RFX3: variants seen among roughly 807,000 people sequenced by gnomAD.
RFX3 encodes regulatory factor X3, also known as transcription factor RFX3.
A neutral mutation model predicts 98.6 loss-of-function variants in RFX3; 14 were observed. The observed-to-expected ratio is 0.14, with a 90% CI of 0.09 to 0.22. RFX3 has a LOEUF of 0.22. RFX3 is among the 10% of genes least tolerant of loss of function. RFX3 has a pLI of 1.00. For missense variants in RFX3, 639 were observed against 926.9 expected (o/e 0.69, Z 4.03); for synonymous variants, 383 against 328.4 (o/e 1.17, Z -1.80).
intron 1 of RFX3, among the ~76,000 whole-genome samples, chr9:3,420,561 C>G (rs1334344138): frequency 1.3e-5 from 2 of 152,140 alleles, no homozygotes; most frequent in African/African-American, 4.8e-5. Flanking sequence ...AGAGACTTGT[C>G]TAAGGTCATT....
At chr9:3,482,481 A>G (rs1205669996) in intron 1 of RFX3, among the ~76,000 whole-genome samples, 1 of 152,238 alleles carries the variant, frequency 6.6e-6, no homozygotes, top group Non-Finnish European at 1.5e-5. Context: ...TTAAGCATAT[A>G]TAAACTTTTA....
chr9:3,493,557 G>A (rs904151377), intron 1 of RFX3, among the ~76,000 whole-genome samples: 36 of 151,270 alleles, frequency 2.4e-4, no homozygotes, highest in African/African-American at 6.3e-4. Context: ...GGTGGCACGC[G>A]CCTGTATTCC....
chr9:3,412,879 T>G (rs1842576109), intron 1 of RFX3, among the ~76,000 whole-genome samples: 1 of 152,180 alleles, frequency 6.6e-6, no homozygotes, highest in Non-Finnish European at 1.5e-5. Flanking sequence ...ACCACCAATG[T>G]TGAAAACCTG....
At chr9:3,408,598 T>C (rs1484336493) in intron 1 of RFX3, among the ~76,000 whole-genome samples, 3 of 150,452 alleles carry the variant, frequency 2.0e-5, no homozygotes, top group Non-Finnish European at 4.4e-5. Flanking sequence ...TCTCTGTCTC[T>C]CTCTCTCTCT....
chr9:3,315,255 A>G (rs1830452597), intron 4 of RFX3, among the ~76,000 whole-genome samples: 1 of 151,298 alleles, frequency 6.6e-6, no homozygotes, highest in African/African-American at 2.5e-5. Flanking sequence ...GAAACTGAAC[A>G]ACCTGCTCCT....
chr9:3,381,872 A>C (rs1434773997), intron 2 of RFX3, among the ~76,000 whole-genome samples: 2 of 152,162 alleles, frequency 1.3e-5, no homozygotes, highest in Non-Finnish European at 2.9e-5. Flanking sequence ...CAATCTGTAA[A>C]CCAGAAATAA....
rs139497478 is a variant in RFX3 at position 3,390,887 on chromosome 9, A to G, written c.117+4585T>C. ...ATTACTAGCATGAAAATGGACTAAT[A>G]CACTCATCATTCTAGTATATTAGGT... On this transcript the variant is annotated intron_variant, in intron 2 of 16. Transcript: ENST00000617270. Among the ~76,000 whole-genome samples, 863 of 152,288 alleles carry G rather than the reference A, an allele frequency of 5.7e-3. 13 individuals carry two copies. Among genetic ancestry groups the G allele is most frequent in the African/African-American group, 0.02 (820 of 41,556 alleles).
At position 3,376,558 on chromosome 9, in the gene RFX3, G is replaced by T. The variant is rs541738575; in HGVS notation, c.117+18914C>A. Among the ~76,000 whole-genome samples the T allele has an allele frequency of 3.3e-3, 498 of 152,248 alleles. 2 individuals are homozygous for T. Among genetic ancestry groups the T allele is most frequent in the Non-Finnish European group, 5.3e-3 (359 of 68,008 alleles). ...GTGCAAGAAGCCAGCTTGCACAAAA[G>T]AACATATGTTGTACAAAAGCCAAAA... On this transcript the variant is annotated intron_variant, in intron 2 of 16. Transcript: ENST00000617270.
rs143337019 is a variant in RFX3, at chr9:3,381,734, A to G, written c.117+13738T>C. ...TACTACTAATAAAAAGCACAGATCT[A>G]ACAGGATCCAAAGCTATCAATACTT... On this transcript the variant is annotated intron_variant, in intron 2 of 16. Coordinates refer to ENST00000617270, the MANE Select transcript of RFX3 (RefSeq NM_001282116.2). Among the ~76,000 whole-genome samples, 742 of 152,230 alleles carry G rather than the reference A, an allele frequency of 4.9e-3. 2 individuals carry two copies. The highest frequency in any genetic ancestry group is 8.8e-3 in the Non-Finnish European group (595 of 67,998).
At chr9:3,454,573 A>C (rs1212563725) in intron 1 of RFX3, among the ~76,000 whole-genome samples, 1 of 152,208 alleles carries the variant, frequency 6.6e-6, no homozygotes, top group African/African-American at 2.4e-5. Context: ...TGTCCTTGTT[A>C]GTAAATGCTC....
chr9:3,476,046 A>G (rs1443099461), intron 1 of RFX3, among the ~76,000 whole-genome samples: 1 of 151,982 alleles, frequency 6.6e-6, no homozygotes, highest in Non-Finnish European at 1.5e-5. Flanking sequence ...GTCACTTCTC[A>G]CTATGTCCCC....
In RFX3 at chr9:3,346,591, A is replaced by G. The variant is rs115711584; in HGVS notation, c.215+76T>C. The G allele has an allele frequency of 2.7e-4, 233 of 867,726 alleles. 1 individual carries two copies. In the African/African-American group the frequency reaches 3.5e-3, roughly 13 times the overall value. The allele number at this position is 867,726 out of a possible 1,614,324, so 53.8% of individuals were successfully genotyped here. ...TTGAAAACAAGGAAACAATCTGGGAATAGTGGGAGGTGTTCAAAAGTACAT... is the reference window on the plus strand; with the variant it reads ...TTGAAAACAAGGAAACAATCTGGGAGTAGTGGGAGGTGTTCAAAAGTACAT... On this transcript the variant is annotated intron_variant, in intron 3 of 16. Coordinates refer to ENST00000617270, the MANE Select transcript of RFX3 (RefSeq NM_001282116.2).
chr9:3,519,471 T>A (rs949468794), intron 1 of RFX3, among the ~76,000 whole-genome samples: 1 of 152,196 alleles, frequency 6.6e-6, no homozygotes, highest in South Asian at 2.1e-4. Flanking sequence ...GAATAGGTAT[T>A]TTCTCAGCCT....
At chr9:3,356,971 ACG>A (rs946328936) in intron 2 of RFX3, among the ~76,000 whole-genome samples, 130 of 142,126 alleles carry the variant, frequency 9.1e-4, no homozygotes, top group African/African-American at 2.5e-3. Flanking sequence ...ATGCACACAC[ACG>A]CACACACACA....
At chr9:3,437,051 T>C (rs959220151) in intron 1 of RFX3, among the ~76,000 whole-genome samples, 1 of 152,120 alleles carries the variant, frequency 6.6e-6, no homozygotes. Context: ...ATTCATAGTA[T>C]CCATTATTTT....
intron 1 of RFX3, among the ~76,000 whole-genome samples, chr9:3,511,853 A>C (rs896228815): frequency 1.3e-5 from 2 of 152,060 alleles, no homozygotes; most frequent in African/African-American, 4.8e-5. Context: ...ATATGACCGG[A>C]AACCAAGAAC....
chr9:3,383,349 T>A (rs1839391238), intron 2 of RFX3, among the ~76,000 whole-genome samples: 1 of 152,190 alleles, frequency 6.6e-6, no homozygotes, highest in Admixed American at 6.6e-5. Flanking sequence ...TGCATAGTGA[T>A]TGGTAGAGCT....
chr9:3,288,354 C>G, intron 6 of RFX3, 104 bp from the exon 7 acceptor site: 2 of 948,726 alleles, frequency 2.1e-6, no homozygotes, highest in African/African-American at 1.6e-5. Context: ...TTGGTAAAAA[C>G]AGTAAGTTAA....
At chr9:3,479,680 G>T (rs1048935489) in intron 1 of RFX3, among the ~76,000 whole-genome samples, 4 of 152,184 alleles carry the variant, frequency 2.6e-5, no homozygotes, top group Non-Finnish European at 4.4e-5. Flanking sequence ...TAAAAGTGAG[G>T]AGGAAAGCCT....
Sources: allele counts gnomAD v4.1 joint callset (sites outside exome capture counted in the v4.1 genomes callset), GRCh38; gene constraint gnomAD v4.1.1; transcripts MANE v1.5; gene names NCBI Gene and HGNC (gene_info 2026-07-23, HGNC 2026-07-21).